KCNQ4: variants seen among roughly 807,000 people sequenced by gnomAD.
The protein encoded by KCNQ4 is potassium voltage-gated channel subfamily KQT member 4.
Under a neutral mutation model 72.6 loss-of-function variants are expected in KCNQ4, and 31 were observed. The ratio of observed to expected loss-of-function variants is 0.43; its 90% CI spans 0.32 to 0.58. The LOEUF (loss-of-function observed/expected upper bound fraction) is 0.58, where lower values mean the gene tolerates loss of function less well. KCNQ4 is among the 20% of genes least tolerant of loss of function. KCNQ4 has a pLI of 0.08. For missense variants in KCNQ4, 869 were observed against 962.6 expected, an observed-to-expected ratio of 0.90 and a Z score of 1.29; for synonymous variants, 405 against 403.7, an observed-to-expected ratio of 1.00 and a Z score of -0.04.
chr1:40,827,626 G>A (rs1558025260), intron 9 of KCNQ4, among the ~76,000 whole-genome samples: 1 of 152,164 alleles, frequency 6.6e-6, no homozygotes, highest in East Asian at 1.9e-4. Context: ...CTGTGGGCTG[G>A]GGTCCCGGAG....
rs375514223 is a variant in KCNQ4, at chr1:40,824,214, C to T, written c.1248C>T (p.Ala416=). Residue 416 remains alanine (A), a synonymous_variant, in exon 9 of 14, where the codon GCC becomes GCT. Transcript: ENST00000347132. The part of the protein sequence containing the change: ...DGAPSRYPPV[A]TCHRPGSTSF... ...CACCCTCCCGTTACCCGCCCGTTGC[C>T]ACCTGCCACCGGCCGGGCAGCACCT... 60 of 1,604,898 alleles carry T rather than the reference C, an allele frequency of 3.7e-5. No homozygotes were observed. In the East Asian group the frequency reaches 6.5e-4, roughly 17 times the overall value.
intron 11 of KCNQ4, among the ~76,000 whole-genome samples, chr1:40,834,462 G>A (rs1648749477): frequency 6.6e-6 from 1 of 152,046 alleles, no homozygotes; most frequent in Non-Finnish European, 1.5e-5. Flanking sequence ...CAGAGTAACT[G>A]AGCCGGGAAC....
At chr1:40,815,387 A>G (rs60237568) in intron 1 of KCNQ4, among the ~76,000 whole-genome samples, 1 of 152,146 alleles carries the variant, frequency 6.6e-6, no homozygotes, top group East Asian at 1.9e-4. Flanking sequence ...TAAAGTCTTA[A>G]AAAGTCCTGG....
At chr1:40,833,651 C>G (rs1648723326) in intron 11 of KCNQ4, among the ~76,000 whole-genome samples, 1 of 151,970 alleles carries the variant, frequency 6.6e-6, no homozygotes, top group South Asian at 2.1e-4. Flanking sequence ...TCCCCACTTT[C>G]TTCCCTGGCT....
At position 40,796,516 on chromosome 1, in the gene KCNQ4, C is replaced by T. The variant is rs1478009525; in HGVS notation, c.314+12109C>T. Among the ~76,000 whole-genome samples the T allele has an allele frequency of 7.9e-5, 12 of 152,144 alleles. No homozygotes were observed. In the South Asian group the frequency reaches 8.3e-4, roughly 11 times the overall value. ...CATGTAGCAGGGCCAGGATTCTAAC[C>T]ACAAGAGTCTAGCTCTATAGGCTGT... On this transcript the variant is annotated intron_variant, in intron 1 of 13. Coordinates refer to ENST00000347132, the MANE Select transcript of KCNQ4 (RefSeq NM_004700.4).
At chr1:40,787,573 C>G (rs1467122584) in intron 1 of KCNQ4, among the ~76,000 whole-genome samples, 1 of 152,148 alleles carries the variant, frequency 6.6e-6, no homozygotes, top group Non-Finnish European at 1.5e-5. Context: ...CAGCTGCAAG[C>G]TCTGGGAAGA....
At chr1:40,823,326 G>C (rs1359148883) in intron 8 of KCNQ4, among the ~76,000 whole-genome samples, 2 of 152,154 alleles carry the variant, frequency 1.3e-5, no homozygotes, top group Non-Finnish European at 2.9e-5. Flanking sequence ...CTCAGAGTGG[G>C]AAGGTGACTA....
At chr1:40,818,398 A>G (rs1270078966) in intron 3 of KCNQ4, 107 bp from the exon 4 acceptor site, 1 of 1,558,632 alleles carries the variant, frequency 6.4e-7, no homozygotes, top group Non-Finnish European at 8.7e-7. Context: ...GATTCAGCGG[A>G]CCCTCCCCCT....
At chr1:40,825,961 T>G (rs1393290798) in intron 9 of KCNQ4, among the ~76,000 whole-genome samples, 1 of 152,098 alleles carries the variant, frequency 6.6e-6, no homozygotes, top group Non-Finnish European at 1.5e-5. Flanking sequence ...TCTATCTGCC[T>G]GGGAGGGGAC....
At chr1:40,837,598 C>T (rs1419029812) in intron 12 of KCNQ4, 67 bp from the exon 13 acceptor site, 1 of 1,571,778 alleles carries the variant, frequency 6.4e-7, no homozygotes, top group Admixed American at 1.8e-5. Flanking sequence ...CATCAGGCAA[C>T]CTATAATTCT....
chr1:40,836,817 G>C (rs1648817057), intron 12 of KCNQ4, among the ~76,000 whole-genome samples: 1 of 152,166 alleles, frequency 6.6e-6, no homozygotes, highest in African/African-American at 2.4e-5. Flanking sequence ...AGCAACATGG[G>C]GTTATTTGGG....
At chr1:40,822,689 G>A (rs1648341576) in intron 8 of KCNQ4, among the ~76,000 whole-genome samples, 1 of 152,218 alleles carries the variant, frequency 6.6e-6, no homozygotes, top group Non-Finnish European at 1.5e-5. Flanking sequence ...TCACCCATAG[G>A]TGATGCCATC....
intron 1 of KCNQ4, among the ~76,000 whole-genome samples, chr1:40,813,429 A>G (rs1647983690): frequency 6.6e-6 from 1 of 152,072 alleles, no homozygotes; most frequent in African/African-American, 2.4e-5. Context: ...AGCCAATGGA[A>G]TTTGCTCAGA....
chr1:40,786,952 T>C (rs1403714828), intron 1 of KCNQ4, among the ~76,000 whole-genome samples: 4 of 152,144 alleles, frequency 2.6e-5, no homozygotes, highest in Non-Finnish European at 5.9e-5. Flanking sequence ...ACCATTACAC[T>C]TTGGGTCAAA....
chr1:40,813,174 A>T (rs1272155865), intron 1 of KCNQ4, among the ~76,000 whole-genome samples: 1 of 152,206 alleles, frequency 6.6e-6, no homozygotes, highest in Non-Finnish European at 1.5e-5. Context: ...CAGACCTTGC[A>T]GGGCCTTGTT....
At chr1:40,801,573 T>C (rs1165988843) in intron 1 of KCNQ4, among the ~76,000 whole-genome samples, 3 of 152,232 alleles carry the variant, frequency 2.0e-5, no homozygotes, top group African/African-American at 7.2e-5. Flanking sequence ...ATCAAGTACC[T>C]GCATTCATGG....
At chr1:40,828,353 T>C (rs1195336644) in intron 9 of KCNQ4, among the ~76,000 whole-genome samples, 1 of 152,196 alleles carries the variant, frequency 6.6e-6, no homozygotes, top group Admixed American at 6.5e-5. Context: ...GATAATTCTT[T>C]GTGGATTGCG....
At chr1:40,814,295 C>G (rs1425214352) in intron 1 of KCNQ4, among the ~76,000 whole-genome samples, 1 of 151,770 alleles carries the variant, frequency 6.6e-6, no homozygotes, top group Non-Finnish European at 1.5e-5. Context: ...CTCAGGCTAT[C>G]CACCCACCTC....
At chr1:40,785,734 C>T (rs551210240) in intron 1 of KCNQ4, among the ~76,000 whole-genome samples, 1 of 152,252 alleles carries the variant, frequency 6.6e-6, no homozygotes, top group South Asian at 2.1e-4. Context: ...CTGGGTCTGT[C>T]CTTCGGCCTG....
Sources: gnomAD v4.1 joint callset for allele counts (sites outside exome capture counted in the v4.1 genomes callset) on GRCh38, gnomAD v4.1.1 for gene constraint, MANE v1.5 for transcripts, NCBI Gene and HGNC (gene_info 2026-07-23, HGNC 2026-07-21) for gene names.